ZFHX3: variants seen among roughly 807,000 people sequenced by gnomAD.
ZFHX3 encodes zinc finger homeobox protein 3.
ZFHX3 carries 42 observed loss-of-function variants against 279.1 expected under a neutral mutation model. That is an observed-to-expected ratio of 0.15 (90% CI 0.12 to 0.19). The LOEUF (loss-of-function observed/expected upper bound fraction) is 0.19. Among genes scored for constraint, ZFHX3 ranks in the 10% least tolerant of loss-of-function variants. The probability of loss-of-function intolerance (pLI) is 1.00; values close to 1 mark genes in which losing one functional copy is unlikely to be tolerated. For synonymous variants in ZFHX3, 2,293 were observed against 1,957.8 expected, an observed-to-expected ratio of 1.17 and a Z score of -4.52; for missense variants, 4,981 against 4,754.0, an observed-to-expected ratio of 1.05 and a Z score of -1.40.
chr16:73,016,446 G>T (rs564651299), intron 1 of ZFHX3, among the ~76,000 whole-genome samples: 1 of 152,012 alleles, frequency 6.6e-6, no homozygotes, highest in African/African-American at 2.4e-5. Context: ...CCTCCTGCTT[G>T]TGAAAGATAC....
At chr16:73,321,347 C>T (rs956857497) in intron 3 of ZFHX3, among the ~76,000 whole-genome samples, 7 of 152,178 alleles carry the variant, frequency 4.6e-5, no homozygotes, top group East Asian at 1.9e-4. Flanking sequence ...CTCTCTGAGC[C>T]CCAGTTTTCT....
At chr16:73,850,873 T>C (rs982511400) in intron 1 of ZFHX3, among the ~76,000 whole-genome samples, 2 of 152,060 alleles carry the variant, frequency 1.3e-5, no homozygotes, top group Admixed American at 6.6e-5. Context: ...GGGATTTGAG[T>C]GTCACATTCT....
At chr16:73,361,343 A>G (rs187340247) in intron 3 of ZFHX3, among the ~76,000 whole-genome samples, 16 of 152,340 alleles carry the variant, frequency 1.1e-4, no homozygotes, top group Admixed American at 4.6e-4. Context: ...CCCCCTTGGA[A>G]GCCAGCCACC....
chr16:72,796,652 A>G lies in ZFHX3; in HGVS notation c.6030T>C (p.Phe2010=). 3 of 1,614,026 alleles carry G rather than the reference A, an allele frequency of 1.9e-6. No individual in the cohort carries two copies. Among genetic ancestry groups the G allele is most frequent in the East Asian group, 2.2e-5 (1 of 44,838 alleles). ...CAAACCTCTCGAGCTGTTTGAAAGG[A>G]AAGTAATTCTGATGAACGTGCTCTT... ...SHQEHVHQNY[F]PFKQLERFAK... is the part of the protein sequence containing the mutation. Residue 2010 remains phenylalanine, a synonymous_variant, in exon 9 of 10, where the codon TTT becomes TTC. Transcript: ENST00000268489.
chr16:73,698,774 G>C (rs2053220548), intron 1 of ZFHX3, among the ~76,000 whole-genome samples: 1 of 152,066 alleles, frequency 6.6e-6, no homozygotes, highest in Non-Finnish European at 1.5e-5. Context: ...AGGAGACTAA[G>C]GAGTCACGAC....
intron 5 of ZFHX3, among the ~76,000 whole-genome samples, chr16:73,149,824 A>G (rs1966897529): frequency 6.6e-6 from 1 of 152,162 alleles, no homozygotes; most frequent in Admixed American, 6.5e-5. Context: ...ATGTAGACTC[A>G]CAGATGTAAC....
intron 4 of ZFHX3, among the ~76,000 whole-genome samples, chr16:73,301,758 C>CTT (rs559715399): frequency 4.3e-5 from 6 of 140,110 alleles, no homozygotes; most frequent in African/African-American, 8.0e-5. Flanking sequence ...TTGATTCCAG[C>CTT]TTTTTTTTTT....
At chr16:72,913,722 T>C (rs2039375285) in intron 3 of ZFHX3, among the ~76,000 whole-genome samples, 5 of 152,200 alleles carry the variant, frequency 3.3e-5, no homozygotes, top group Non-Finnish European at 1.5e-5. Flanking sequence ...TATTACGCTG[T>C]TAATAAAATA....
At chr16:73,481,379 T>C (rs1471554614) in intron 2 of ZFHX3, among the ~76,000 whole-genome samples, 1 of 151,852 alleles carries the variant, frequency 6.6e-6, no homozygotes, top group Non-Finnish European at 1.5e-5. Flanking sequence ...GCCAGCCAAG[T>C]TGACACATTG....
intron 5 of ZFHX3, among the ~76,000 whole-genome samples, chr16:73,172,470 C>T (rs1287842922): frequency 6.6e-6 from 1 of 152,210 alleles, no homozygotes; most frequent in Non-Finnish European, 1.5e-5. Flanking sequence ...TCTAATGGGC[C>T]AATTTGTTTG....
chr16:73,836,408 G>A (rs1251944726), intron 1 of ZFHX3, among the ~76,000 whole-genome samples: 1 of 152,156 alleles, frequency 6.6e-6, no homozygotes, highest in Admixed American at 6.5e-5. Context: ...TATTTAACAT[G>A]TTCATTTTTT....
intron 2 of ZFHX3, among the ~76,000 whole-genome samples, chr16:73,651,332 G>C (rs1388638467): frequency 2.0e-5 from 3 of 151,730 alleles, no homozygotes; most frequent in Non-Finnish European, 4.4e-5. Flanking sequence ...AAAGAGGATA[G>C]AGAGAATTGG....
intron 2 of ZFHX3, among the ~76,000 whole-genome samples, chr16:73,599,749 A>G (rs556739097): frequency 5.8e-4 from 88 of 150,970 alleles, no homozygotes; most frequent in African/African-American, 2.1e-3. Flanking sequence ...AAAAAAAACA[A>G]CAACCTAAAC....
chr16:73,192,456 T>G (rs1370986983), intron 5 of ZFHX3, among the ~76,000 whole-genome samples: 1 of 152,090 alleles, frequency 6.6e-6, no homozygotes, highest in Non-Finnish European at 1.5e-5. Flanking sequence ...GCGGCCCTGG[T>G]GTTAATTTCA....
At chr16:73,784,796 A>AAATATAT (rs56734827) in intron 1 of ZFHX3, among the ~76,000 whole-genome samples, 246 of 131,070 alleles carry the variant, frequency 1.9e-3, no homozygotes, top group South Asian at 3.5e-3. Flanking sequence ...TAAAAAAAAA[A>AAATATAT]ATATATATAT....
At chr16:73,532,557 C>G (rs916987284) in intron 2 of ZFHX3, among the ~76,000 whole-genome samples, 1 of 152,150 alleles carries the variant, frequency 6.6e-6, no homozygotes, top group Non-Finnish European at 1.5e-5. Context: ...GAAAGCATAT[C>G]TCTGGTACAT....
intron 6 of ZFHX3, among the ~76,000 whole-genome samples, chr16:73,131,682 C>A (rs928031184): frequency 1.3e-5 from 2 of 152,190 alleles, no homozygotes. Flanking sequence ...GGGGCCAGTA[C>A]AAGATCTGAT....
intron 3 of ZFHX3, among the ~76,000 whole-genome samples, chr16:72,947,415 C>T (rs548005540): frequency 6.6e-6 from 1 of 152,326 alleles, no homozygotes; most frequent in African/African-American, 2.4e-5. Flanking sequence ...TTCACTCTTA[C>T]AGCAATCTAC....
intron 7 of ZFHX3, chr16:73,130,953 A>G: frequency 7.7e-7 from 1 of 1,304,572 alleles, no homozygotes; most frequent in Non-Finnish European, 1.0e-6. Context: ...GCACTATAAG[A>G]CATTTGTCAC....
Sources: gnomAD v4.1 joint callset for allele counts (sites outside exome capture counted in the v4.1 genomes callset) on GRCh38, gnomAD v4.1.1 for gene constraint, MANE v1.5 for transcripts, NCBI Gene and HGNC (gene_info 2026-07-23, HGNC 2026-07-21) for gene names.